NBPF26: variants seen among roughly 807,000 people sequenced by gnomAD.
NBPF26 encodes NBPF member 26.
Under a neutral mutation model 119.6 loss-of-function variants are expected in NBPF26, and 79 were observed. The observed-to-expected ratio is 0.66, with a 90% CI of 0.55 to 0.80. The LOEUF is 0.80. Ranked by LOEUF, NBPF26 falls within the 30% of genes least tolerant of loss-of-function variation. NBPF26 has a pLI of 0.00. For missense variants in NBPF26, 800 were observed against 1,198.2 expected (o/e 0.67, Z 4.91); for synonymous variants, 299 against 457.7 (o/e 0.65, Z 4.43).
In NBPF26 at chr1:120,812,163, A is replaced by G; in HGVS notation, c.1774+68A>G. The G allele has an allele frequency of 8.4e-6, 8 of 949,094 alleles. 1 individual carries two copies. The highest frequency in any genetic ancestry group is 2.0e-5 in the Admixed American group (1 of 48,936). The allele number at this position is 949,094 out of a possible 1,614,324, so 58.8% of individuals were successfully genotyped here. On this transcript the variant is annotated intron_variant, in intron 10 of 29. Transcript: ENST00000620612. ...TCCTGTCTTCTCTCTGAGACACTAA[A>G]TGCTCTCTCCATCAAAAATAATGTC...
intron 1 of NBPF26, among the ~76,000 whole-genome samples, chr1:120,752,552 A>ATTTT (rs1386751525): frequency 2.7e-3 from 24 of 8,972 alleles, no homozygotes; most frequent in Non-Finnish European, 3.3e-3. Context: ...ATATATATAT[A>ATTTT]TATTTTTTTT....
At chr1:120,770,620 T>C (rs1362046454) in intron 2 of NBPF26, among the ~76,000 whole-genome samples, 1 of 121,498 alleles carries the variant, frequency 8.2e-6, no homozygotes, top group Admixed American at 7.8e-5. Flanking sequence ...GTATTTACTT[T>C]AGTCCTCATG....
Position 120,840,232 on chromosome 1 carries a change from T to G in NBPF26, c.4104-118T>G, listed in dbSNP as rs1652480751. The G allele has an allele frequency of 2.2e-5, 30 of 1,390,628 alleles. 6 individuals are homozygous for G. The highest frequency in any genetic ancestry group is 1.3e-5 in the Non-Finnish European group (14 of 1,051,752). 86.1% of individuals were successfully genotyped at this position (1,390,628 alleles called of 1,614,324 possible). A position where few individuals can be genotyped will look rare whatever the true frequency, so the allele number is the denominator to read the frequency against. On this transcript the variant is annotated intron_variant, in intron 29 of 29. Transcript: ENST00000620612. ...GCAATAAATTTTTTTTTTACCTCATTAATGGATCTATCCTTTTTCTTTTCT... is the reference window on the plus strand; with the variant it reads ...GCAATAAATTTTTTTTTTACCTCATGAATGGATCTATCCTTTTTCTTTTCT...
Position 120,806,324 on chromosome 1 carries a change from G to A in NBPF26, c.961+559G>A, listed in dbSNP as rs1465357704. On this transcript the variant is annotated intron_variant, in intron 5 of 29. Coordinates refer to ENST00000620612, the Ensembl canonical transcript of NBPF26. ...GAGCAGGGAGTAGGGGCCGTGCAAC[G>A]TGGCTCACTCCTATAATCTCAGCAC... Among the ~76,000 whole-genome samples, 121 of 114,660 alleles carry A rather than the reference G, an allele frequency of 1.1e-3. 27 individuals are homozygous for A. Among genetic ancestry groups the A allele is most frequent in the Non-Finnish European group, 1.6e-3 (90 of 57,748 alleles). 75.2% of individuals were successfully genotyped at this position (114,660 alleles called of 152,430 possible).
chr1:120,793,060 GTCT>G, intron 3 of NBPF26, 98 bp from the exon 4 acceptor site: 1 of 606,284 alleles, frequency 1.6e-6, no homozygotes, highest in Non-Finnish European at 2.8e-6. Flanking sequence ...AAGAGTTGAG[GTCT>G]TCTCCACGCA....
At position 120,805,465 on chromosome 1, in the gene NBPF26, A is replaced by G. The variant is rs1651657781; in HGVS notation, c.752-91A>G. On this transcript the variant is annotated intron_variant, in intron 4 of 29. Transcript: ENST00000620612. ...CATTTTTCACAACAGTAAGGTAAGA[A>G]TTTCAGTTACTGACATCCCTCAGTC... is the stretch of plus-strand genomic sequence containing the variant. 2 of 1,379,258 alleles carry G rather than the reference A, an allele frequency of 1.5e-6. 1 individual carries two copies. Among genetic ancestry groups the G allele is most frequent in the African/African-American group, 4.1e-5 (2 of 48,286 alleles). The allele number at this position is 1,379,258 out of a possible 1,614,324, so 85.4% of individuals were successfully genotyped here.
chr1:120,726,769 AGAG>A (rs1170945386), intron 1 of NBPF26, among the ~76,000 whole-genome samples: 1 of 111,502 alleles, frequency 9.0e-6, no homozygotes. Context: ...GGTGTGGTGG[AGAG>A]GAGGAGAAGA....
At chr1:120,807,040 A>T (rs1196735651) in intron 5 of NBPF26, among the ~76,000 whole-genome samples, 1 of 130,300 alleles carries the variant, frequency 7.7e-6, no homozygotes, top group Non-Finnish European at 1.6e-5. Flanking sequence ...TCATACTAAT[A>T]AAGTATTTGG....
At chr1:120,755,933 C>CTTTTT (rs1168463033) in intron 1 of NBPF26, among the ~76,000 whole-genome samples, 1 of 87,260 alleles carries the variant, frequency 1.1e-5, no homozygotes, top group Non-Finnish European at 2.0e-5. Flanking sequence ...TCTCTTATTG[C>CTTTTT]TTTTTTTTTT....
At chr1:120,816,819 T>G in exon 14 of NBPF26, 1 of 1,446,760 alleles carries the variant, frequency 6.9e-7, no homozygotes, top group South Asian at 1.2e-5. Context: ...GCTGTACACA[T>G]TATTCCAGGT....
At chr1:120,727,837 C>G (rs1198504923) in intron 1 of NBPF26, among the ~76,000 whole-genome samples, 1 of 116,930 alleles carries the variant, frequency 8.6e-6, no homozygotes, top group East Asian at 2.1e-4. Context: ...GACTTGAAAC[C>G]AAAAGGTCTT....
Position 120,784,100 on chromosome 1 carries a change from T to G in NBPF26, c.156-874T>G, listed in dbSNP as rs1354922917. Among the ~76,000 whole-genome samples, 123 of 117,772 alleles carry G rather than the reference T, an allele frequency of 1.0e-3. 1 individual carries two copies. The highest frequency in any genetic ancestry group is 4.3e-3 in the South Asian group (17 of 3,992). The allele number at this position is 117,772 out of a possible 152,430, so 77.3% of individuals were successfully genotyped here. ...GCTGTGAAACAATAATTTGGAAAGGTAAATGGGACCTCATGAAAGTGTGGG... is the reference window on the plus strand; with the variant it reads ...GCTGTGAAACAATAATTTGGAAAGGGAAATGGGACCTCATGAAAGTGTGGG... On this transcript the variant is annotated intron_variant, in intron 2 of 29. Transcript: ENST00000620612.
chr1:120,789,966 T>G (rs1294586743), intron 3 of NBPF26, among the ~76,000 whole-genome samples: 1 of 88,286 alleles, frequency 1.1e-5, no homozygotes, highest in East Asian at 2.4e-4. Flanking sequence ...TCCTTGTTGT[T>G]AAGAAGGATC....
In NBPF26 at chr1:120,756,389, G is replaced by T. The variant is rs1651080388; in HGVS notation, c.74-7239G>T. 5.1e-5 allele frequency among the ~76,000 whole-genome samples: 6 copies of T among 117,876 alleles called. 2 individuals carry two copies. Among genetic ancestry groups the T allele is most frequent in the Non-Finnish European group, 9.8e-5 (6 of 61,076 alleles). The allele number at this position is 117,876 out of a possible 152,430, so 77.3% of individuals were successfully genotyped here. ...AAACGTTGAAGAAAAAGTTAAAAGA[G>T]CCTGTATAACTCCTCTTCATGTATT... On this transcript the variant is annotated intron_variant, in intron 1 of 29. Transcript: ENST00000620612.
At chr1:120,808,338 G>T (rs1211028248) in intron 6 of NBPF26, among the ~76,000 whole-genome samples, 1 of 118,676 alleles carries the variant, frequency 8.4e-6, no homozygotes, top group African/African-American at 4.5e-5. Context: ...CATCATCGAG[G>T]ATCTTGCAGG....
intron 1 of NBPF26, among the ~76,000 whole-genome samples, chr1:120,758,766 T>C (rs1651102431): frequency 2.2e-5 from 1 of 46,232 alleles, no homozygotes; most frequent in Non-Finnish European, 3.7e-5. Context: ...AATACCAGTC[T>C]AATTCCCACT....
At chr1:120,778,610 TAAAAAAAAAA>T (rs1207692493) in intron 2 of NBPF26, among the ~76,000 whole-genome samples, 1 of 37,910 alleles carries the variant, frequency 2.6e-5, no homozygotes, top group Non-Finnish European at 4.1e-5. Context: ...ATCCTCGTTT[TAAAAAAAAAA>T]AAAAAAAAAA....
intron 14 of NBPF26, 54 bp downstream of exon 14, chr1:120,816,881 A>G: frequency 1.4e-6 from 2 of 1,450,848 alleles, no homozygotes; most frequent in Non-Finnish European, 1.8e-6. Flanking sequence ...AGGAAGATAA[A>G]CTCTGAAGAC....
rs1349789436 is a variant in NBPF26, at chr1:120,817,290, CT to C, written c.2371+464del. 2.8e-4 allele frequency among the ~76,000 whole-genome samples: 31 copies of C among 112,284 alleles called. 7 individuals are homozygous for C. The highest frequency in any genetic ancestry group is 1.7e-3 in the Admixed American group (20 of 11,484). 73.7% of individuals were successfully genotyped at this position (112,284 alleles called of 152,430 possible). On this transcript the variant is annotated intron_variant, in intron 14 of 29. Coordinates refer to ENST00000620612, the Ensembl canonical transcript of NBPF26. Reference sequence around the variant, plus strand: ...CAGCTTGCTTAGCTGCACAGTCACCCTGAAATCAGGACAGAAACTTTTCTTC... The same window carrying C: ...CAGCTTGCTTAGCTGCACAGTCACCCGAAATCAGGACAGAAACTTTTCTTC...
Sources: allele counts gnomAD v4.1 joint callset (sites outside exome capture counted in the v4.1 genomes callset), GRCh38; gene constraint gnomAD v4.1.1; transcripts MANE v1.5; gene names NCBI Gene and HGNC (gene_info 2026-07-23, HGNC 2026-07-21).